Variants in BRAF observed in about 807,000 individuals in gnomAD.
BRAF encodes the protein serine/threonine-protein kinase B-raf.
Under a neutral mutation model 104.6 loss-of-function variants are expected in BRAF, and 16 were observed. That is an observed-to-expected ratio of 0.15 (90% confidence interval 0.10 to 0.23). BRAF has a LOEUF of 0.23. Ranked by LOEUF, BRAF falls within the 10% of genes least tolerant of loss-of-function variation. The probability of loss-of-function intolerance (pLI) is 1.00; values close to 1 mark genes in which losing one functional copy is unlikely to be tolerated. For synonymous variants in BRAF, 310 were observed against 341.6 expected (o/e 0.91, Z 1.02); for missense variants, 541 against 937.3 (o/e 0.58, Z 5.52).
rs780998326 is a variant in BRAF at position 140,725,507 on chromosome 7, T to C, written c.*987A>G. 1 of 977,144 alleles carries C rather than the reference T, an allele frequency of 1.0e-6. No homozygotes were observed. Among genetic ancestry groups the C allele is most frequent in the Non-Finnish European group, 1.2e-6 (1 of 805,070 alleles). 60.5% of individuals were successfully genotyped at this position (977,144 alleles called of 1,614,324 possible). ...AAGAAGAAACTCAGAAATTAAAACC[T>C]GTACCTTATATTTAAATTATCTAAA... is the stretch of plus-strand genomic sequence containing the variant. On this transcript the variant is annotated 3_prime_UTR_variant, in exon 20 of 20. Coordinates refer to ENST00000644969, the MANE Select transcript of BRAF (RefSeq NM_001374258.1).
At position 140,726,642 on chromosome 7, in the gene BRAF, T is replaced by C. The variant is rs574165861; in HGVS notation, c.2402-126A>G. ...TATATTTCAAGTCTAGCAACAGCAT[T>C]GCTAATTTAAAAGCAAAAACGGCTG... On this transcript the variant is annotated intron_variant, in intron 19 of 19. Coordinates refer to ENST00000644969, the MANE Select transcript of BRAF (RefSeq NM_001374258.1). 5.7e-6 allele frequency: 5 copies of C among 876,794 alleles called. No homozygotes were observed. The South Asian group carries it at 6.3e-5, about 11-fold the overall frequency. The allele number at this position is 876,794 out of a possible 1,614,324, so 54.3% of individuals were successfully genotyped here.
At chr7:140,718,296 G>A (rs1475149020), downstream of BRAF, among the ~76,000 whole-genome samples, 1 of 152,064 alleles carries the variant, frequency 6.6e-6, no homozygotes, top group Non-Finnish European at 1.5e-5. Flanking sequence ...TTTTGCTCTT[G>A]TTGCCCAGGC....
chr7:140,830,660 G>C (rs548735661), intron 3 of BRAF, among the ~76,000 whole-genome samples: 1 of 152,148 alleles, frequency 6.6e-6, no homozygotes, highest in African/African-American at 2.4e-5. Flanking sequence ...TCTGAGAAGT[G>C]GGGAGGTCGT....
chr7:140,854,176 T>C (rs191682161), intron 1 of BRAF, among the ~76,000 whole-genome samples: 168 of 152,222 alleles, frequency 1.1e-3, no homozygotes, highest in Non-Finnish European at 1.9e-3. Context: ...TGCCACATTG[T>C]CCAGGATGGA....
intron 1 of BRAF, among the ~76,000 whole-genome samples, chr7:140,901,413 C>T (rs1586596478): frequency 1.3e-5 from 2 of 151,974 alleles, no homozygotes; most frequent in African/African-American, 4.8e-5. Context: ...AAAAATTTGC[C>T]GAGTGGAAAA....
At chr7:140,825,679 T>TA (rs1805971688) in intron 3 of BRAF, among the ~76,000 whole-genome samples, 1 of 152,220 alleles carries the variant, frequency 6.6e-6, no homozygotes, top group Non-Finnish European at 1.5e-5. Flanking sequence ...CAAGTCAACC[T>TA]AATCAAATTT....
At chr7:140,739,759 T>C (rs1040947183) in intron 18 of BRAF, 53 bp downstream of exon 17, 20 of 1,606,300 alleles carry the variant, frequency 1.2e-5, no homozygotes, top group African/African-American at 2.7e-5. Context: ...TGCTCAGAAA[T>C]CTGTCTATGA....
At position 140,725,374 on chromosome 7, in the gene BRAF, T is replaced by C; in HGVS notation, c.*1120A>G. On this transcript the variant is annotated 3_prime_UTR_variant, in exon 20 of 20. Transcript: ENST00000644969. ...GATAATGATCTTTCTTAAAAGTTGT[T>C]TATATAACAAAAATACAATTTTCAG... 1 of 976,126 alleles carries C rather than the reference T, an allele frequency of 1.0e-6. No homozygotes were observed. Among genetic ancestry groups the C allele is most frequent in the South Asian group, 4.9e-5 (1 of 20,402 alleles). 60.5% of individuals were successfully genotyped at this position (976,126 alleles called of 1,614,324 possible).
chr7:140,807,183 C>T (rs1429468016), intron 5 of BRAF, among the ~76,000 whole-genome samples: 1 of 152,094 alleles, frequency 6.6e-6, no homozygotes, highest in Non-Finnish European at 1.5e-5. Context: ...AATGCAAAAA[C>T]CAGACAAAGA....
intron 3 of BRAF, among the ~76,000 whole-genome samples, chr7:140,833,100 TCTCCTGAC>T (rs1171439884): frequency 6.6e-6 from 1 of 152,022 alleles, no homozygotes; most frequent in Non-Finnish European, 1.5e-5. Context: ...ACTGTCTCGA[TCTCCTGAC>T]CTCCTGACCT....
At chr7:140,856,548 A>G (rs916382787) in intron 1 of BRAF, among the ~76,000 whole-genome samples, 1 of 152,240 alleles carries the variant, frequency 6.6e-6, no homozygotes, top group Non-Finnish European at 1.5e-5. Context: ...AGGAAACTAT[A>G]AAGACATGAG....
intron 12 of BRAF, among the ~76,000 whole-genome samples, chr7:140,779,507 T>C (rs1356417284): frequency 1.3e-5 from 2 of 152,234 alleles, no homozygotes; most frequent in Admixed American, 1.3e-4. Context: ...AATATTTTGA[T>C]TATACTTACC....
intron 15 of BRAF, chr7:140,753,727 C>A (rs1176791544): frequency 3.3e-6 from 1 of 302,916 alleles, no homozygotes; most frequent in Non-Finnish European, 6.3e-6. Context: ...CCTGGGCGAG[C>A]AGTAAAGGCT....
At chr7:140,829,259 G>T (rs1806435171) in intron 3 of BRAF, among the ~76,000 whole-genome samples, 1 of 147,702 alleles carries the variant, frequency 6.8e-6, no homozygotes, top group Non-Finnish European at 1.5e-5. Context: ...TACAGCTTTT[G>T]AGCTAATTAA....
In BRAF at chr7:140,721,083, A is replaced by G; in HGVS notation, c.*5411T>C. The G allele has an allele frequency of 9.4e-7, 1 of 1,064,388 alleles. No homozygotes were observed. Among genetic ancestry groups the G allele is most frequent in the South Asian group, 4.6e-5 (1 of 21,976 alleles). The allele number at this position is 1,064,388 out of a possible 1,614,324, so 65.9% of individuals were successfully genotyped here. A position where few individuals can be genotyped will look rare whatever the true frequency, so the allele number is the denominator to read the frequency against. On this transcript the variant is annotated 3_prime_UTR_variant, in exon 20 of 20. Transcript: ENST00000644969. ...CTATCTACAGAATTCTTTAAAAAAA[A>G]ATGCACCTCTAAAAAATGGATACAC...
In BRAF at chr7:140,754,250, C is replaced by A; in HGVS notation, c.1815-17G>T. The A allele has an allele frequency of 6.2e-7, 1 of 1,612,550 alleles. No individual in the cohort carries two copies. Among genetic ancestry groups the A allele is most frequent in the Non-Finnish European group, 8.5e-7 (1 of 1,178,726 alleles). The stretch of plus-strand genomic sequence containing the variant: ...TGTAAGTAACTGAAAAACAAAACAT[C>A]ATTTTAACCTGAGTAGGGCTAAAGG... On this transcript the variant is annotated splice_polypyrimidine_tract_variant and intron_variant, in intron 14 of 19. Coordinates refer to ENST00000644969, the MANE Select transcript of BRAF (RefSeq NM_001374258.1).
chr7:140,879,402 G>A (rs1424460904), intron 1 of BRAF, among the ~76,000 whole-genome samples: 2 of 151,518 alleles, frequency 1.3e-5, no homozygotes, highest in Admixed American at 6.6e-5. Context: ...GGATGGTTTC[G>A]ATCTCTTGAC....
chr7:140,734,714 T>G lies in BRAF; in HGVS notation c.2304A>C (p.Ala768=). 1 of 1,601,796 alleles carries G rather than the reference T, an allele frequency of 6.2e-7. No homozygotes were observed. The highest frequency in any genetic ancestry group is 8.5e-7 in the Non-Finnish European group (1 of 1,178,634). The stretch of plus-strand genomic sequence containing the variant: ...CAGCCCGATTCAAGGAGGGTTCTGA[T>G]GCACTGCGGTGAATTTTTGGCAATG... ...ARSLPKIHRS[A]SEPSLNRAGF... Residue 768 remains alanine (A), a synonymous_variant, in exon 19 of 20, where the codon GCA becomes GCC. Coordinates refer to ENST00000644969, the MANE Select transcript of BRAF (RefSeq NM_001374258.1).
intron 1 of BRAF, among the ~76,000 whole-genome samples, chr7:140,870,956 G>A (rs1000121890): frequency 1.6e-4 from 25 of 151,738 alleles, no homozygotes; most frequent in African/African-American, 4.4e-4. Flanking sequence ...GGCTGGGCGC[G>A]GTGGCTCACG....
Sources: gnomAD v4.1 joint callset for allele counts (sites outside exome capture counted in the v4.1 genomes callset) on GRCh38, gnomAD v4.1.1 for gene constraint, MANE v1.5 for transcripts, NCBI Gene and HGNC (gene_info 2026-07-23, HGNC 2026-07-21) for gene names.